The following APOOL variants were observed in gnomAD, a reference collection of about 807,000 sequenced individuals.
APOOL encodes apolipoprotein O like.
Under a neutral mutation model 23.1 loss-of-function variants are expected in APOOL, and 12 were observed. That is an observed-to-expected ratio of 0.52 (90% confidence interval 0.33 to 0.84). APOOL has a LOEUF of 0.84. Ranked by LOEUF, APOOL falls within the 40% of genes least tolerant of loss-of-function variation. The probability of loss-of-function intolerance (pLI) is 0.02; values close to 1 mark genes in which losing one functional copy is unlikely to be tolerated. For synonymous variants in APOOL, 77 were observed against 69.9 expected, an observed-to-expected ratio of 1.10 and a Z score of -0.51; for missense variants, 212 against 199.6, an observed-to-expected ratio of 1.06 and a Z score of -0.37.
intron 8 of APOOL, among the ~76,000 whole-genome samples, chrX:85,077,354 G>A (rs987253226): frequency 1.8e-5 from 2 of 108,159 alleles, no homozygotes; most frequent in Non-Finnish European, 3.8e-5. Flanking sequence ...GAGGATATAC[G>A]GTGTTTGGTT....
intron 1 of APOOL, among the ~76,000 whole-genome samples, chrX:85,020,523 T>G (rs1160612536): frequency 9.0e-6 from 1 of 111,372 alleles, no homozygotes; most frequent in Non-Finnish European, 1.9e-5. Flanking sequence ...ACTAAGCCTC[T>G]AAGCCCACCT....
rs768262497 is a variant in APOOL, at chrX:85,089,148, C to T, written c.*1470C>T. ...TTGAGATGGGGTCTTGCTCTGTTGCCCAGGCTGGAGTGCAGTGGCACAAAC... is the reference window on the plus strand; with the variant it reads ...TTGAGATGGGGTCTTGCTCTGTTGCTCAGGCTGGAGTGCAGTGGCACAAAC... On this transcript the variant is annotated 3_prime_UTR_variant, in exon 9 of 9. Coordinates refer to ENST00000373173, the MANE Select transcript of APOOL (RefSeq NM_198450.6). 3 of 111,320 alleles carry T rather than the reference C, an allele frequency of 2.7e-5. No homozygotes were observed. In the South Asian group the frequency reaches 1.1e-3, roughly 42 times the overall value. The allele number at this position is 111,320 out of a possible 1,213,427, so 9.2% of individuals were successfully genotyped here. A position where few individuals can be genotyped will look rare whatever the true frequency, so the allele number is the denominator to read the frequency against.
intron 1 of APOOL, among the ~76,000 whole-genome samples, chrX:85,005,405 C>A (rs887524094): frequency 2.8e-5 from 1 of 35,549 alleles, no homozygotes; most frequent in Admixed American, 2.3e-4. Flanking sequence ...CCCCCCCCCC[C>A]CCCCGGGCCT....
At chrX:85,075,321 A>G (rs1457819970) in intron 8 of APOOL, among the ~76,000 whole-genome samples, 1 of 111,230 alleles carries the variant, frequency 9.0e-6, no homozygotes, top group African/African-American at 3.3e-5. Flanking sequence ...AGACTCAGGG[A>G]GCTAAAATAA....
rs773396039 is a variant in APOOL, at chrX:85,058,096, T to A, written c.394+2171T>A. ...AAAAATTATATTTTAAGTTCCAGGG[T>A]ACATGTACAGCATGTTTAGATTTGT... On this transcript the variant is annotated intron_variant, in intron 5 of 8. Coordinates refer to ENST00000373173, the MANE Select transcript of APOOL (RefSeq NM_198450.6). Among the ~76,000 whole-genome samples, 98 of 110,962 alleles carry A rather than the reference T, an allele frequency of 8.8e-4. 1 individual carries two copies. Among genetic ancestry groups the A allele is most frequent in the African/African-American group, 3.0e-3 (93 of 30,539 alleles).
At chrX:85,078,866 T>G (rs1171759998) in intron 8 of APOOL, among the ~76,000 whole-genome samples, 1 of 111,605 alleles carries the variant, frequency 9.0e-6, no homozygotes, top group Non-Finnish European at 1.9e-5. Flanking sequence ...TGAATGGGAA[T>G]TCACTCATGA....
intron 1 of APOOL, among the ~76,000 whole-genome samples, chrX:85,010,296 A>G (rs1262983154): frequency 8.9e-6 from 1 of 111,805 alleles, no homozygotes; most frequent in Admixed American, 9.5e-5. Flanking sequence ...GCATCTTTTC[A>G]TACGCTTATT....
intron 8 of APOOL, among the ~76,000 whole-genome samples, chrX:85,078,760 A>C (rs999309384): frequency 8.1e-5 from 9 of 110,594 alleles, no homozygotes; most frequent in African/African-American, 3.0e-4. Flanking sequence ...GTCCTCTTTT[A>C]TTTTGTTGAG....
chrX:85,037,698 G>A (rs769015272), intron 1 of APOOL, among the ~76,000 whole-genome samples: 2 of 111,162 alleles, frequency 1.8e-5, no homozygotes, highest in African/African-American at 3.3e-5. Context: ...ACTGATCTTC[G>A]ACAAAGCATA....
intron 5 of APOOL, among the ~76,000 whole-genome samples, chrX:85,058,526 A>T (rs1923060180): frequency 8.9e-6 from 1 of 111,932 alleles, no homozygotes; most frequent in Non-Finnish European, 1.9e-5. Flanking sequence ...ATAGTGCTGC[A>T]ATGAACATAT....
At chrX:85,046,247 A>G (rs1372568943) in intron 1 of APOOL, 199 bp from the exon 2 acceptor site, 1 of 346,143 alleles carries the variant, frequency 2.9e-6, no homozygotes, top group Non-Finnish European at 5.1e-6. Context: ...ACAGGTAAAA[A>G]TAGTGCTCTG....
At chrX:85,062,907 A>G (rs1050970886) in intron 5 of APOOL, among the ~76,000 whole-genome samples, 38 of 111,700 alleles carry the variant, frequency 3.4e-4, no homozygotes, top group African/African-American at 1.0e-3. Flanking sequence ...AAGAATGTCA[A>G]TGATAACTGA....
intron 1 of APOOL, among the ~76,000 whole-genome samples, chrX:85,027,919 T>G (rs754690394): frequency 6.4e-4 from 72 of 112,235 alleles, no homozygotes; most frequent in Non-Finnish European, 1.2e-3. Context: ...ATGTTTCCAG[T>G]TTGGGCTGTT....
At chrX:85,017,983 T>A (rs1376575225) in intron 1 of APOOL, among the ~76,000 whole-genome samples, 1 of 112,033 alleles carries the variant, frequency 8.9e-6, no homozygotes, top group African/African-American at 3.3e-5. Flanking sequence ...AAGTTCATGG[T>A]ATGAGTCTCC....
In APOOL at chrX:85,089,893, C is replaced by T. The variant is rs1033312479; in HGVS notation, c.*2215C>T. 5.6e-5 allele frequency: 6 copies of T among 107,515 alleles called. No homozygotes were observed. Among genetic ancestry groups the T allele is most frequent in the African/African-American group, 2.0e-4 (6 of 29,329 alleles). The allele number at this position is 107,515 out of a possible 1,213,427, so 8.9% of individuals were successfully genotyped here. ...ATTTGCTCACTGTCAATCTTGCTGTCTCTCATTTCAGAATATGTTCTGCTT... is the reference window on the plus strand; with the variant it reads ...ATTTGCTCACTGTCAATCTTGCTGTTTCTCATTTCAGAATATGTTCTGCTT... On this transcript the variant is annotated 3_prime_UTR_variant, in exon 9 of 9. Coordinates refer to ENST00000373173, the MANE Select transcript of APOOL (RefSeq NM_198450.6).
At chrX:85,020,327 G>A (rs984972783) in intron 1 of APOOL, among the ~76,000 whole-genome samples, 4 of 111,613 alleles carry the variant, frequency 3.6e-5, no homozygotes, top group Admixed American at 2.8e-4. Context: ...ATTGATGAGG[G>A]CAGGAGGGAC....
intron 1 of APOOL, among the ~76,000 whole-genome samples, chrX:85,010,026 A>AT (rs1242895097): frequency 1.8e-5 from 2 of 111,432 alleles, no homozygotes; most frequent in African/African-American, 6.5e-5. Context: ...ATATGTACCA[A>AT]TTTTTTTAAT....
At chrX:85,080,246 C>A (rs1397652047) in intron 8 of APOOL, among the ~76,000 whole-genome samples, 13 of 112,103 alleles carry the variant, frequency 1.2e-4, no homozygotes, top group African/African-American at 4.2e-4. Context: ...AAATTTCCTT[C>A]TACACACTGC....
At chrX:85,067,604 G>A (rs1001479181) in intron 6 of APOOL, among the ~76,000 whole-genome samples, 5 of 99,708 alleles carry the variant, frequency 5.0e-5, no homozygotes, top group African/African-American at 1.9e-4. Context: ...TGATAGATTG[G>A]TTTCAGTGGT....
Sources: gnomAD v4.1 joint callset for allele counts (sites outside exome capture counted in the v4.1 genomes callset) on GRCh38, gnomAD v4.1.1 for gene constraint, MANE v1.5 for transcripts, NCBI Gene and HGNC (gene_info 2026-07-23, HGNC 2026-07-21) for gene names.